The following HOMER2 variants were observed in gnomAD, a reference collection of about 807,000 sequenced individuals.
HOMER2 encodes the protein homer scaffold protein 2.
A neutral mutation model predicts 47.0 loss-of-function variants in HOMER2; 27 were observed. That is an observed-to-expected ratio of 0.57 (90% CI 0.42 to 0.79). The LOEUF (loss-of-function observed/expected upper bound fraction) is 0.79. Among genes scored for constraint, HOMER2 ranks in the 30% least tolerant of loss-of-function variants. The pLI is 0.00. For synonymous variants in HOMER2, 161 were observed against 163.8 expected (o/e 0.98, Z 0.13); for missense variants, 443 against 435.0 (o/e 1.02, Z -0.16).
At chr15:82,980,307 T>G (rs551513525) in intron 1 of HOMER2, among the ~76,000 whole-genome samples, 89 of 152,210 alleles carry the variant, frequency 5.8e-4, no homozygotes, top group African/African-American at 1.9e-3. Context: ...TATTCCTGTC[T>G]CAGTCACCCC....
At chr15:82,966,404 GA>G (rs925138426) in intron 1 of HOMER2, among the ~76,000 whole-genome samples, 8 of 152,132 alleles carry the variant, frequency 5.3e-5, no homozygotes, top group Non-Finnish European at 1.0e-4. Flanking sequence ...AAAAGGGGGG[GA>G]AAGAAAACAG....
At chr15:82,977,049 T>C (rs1416972102) in intron 1 of HOMER2, among the ~76,000 whole-genome samples, 1 of 152,122 alleles carries the variant, frequency 6.6e-6, no homozygotes, top group Non-Finnish European at 1.5e-5. Flanking sequence ...TAGCAATGTT[T>C]GTGGGGTGAA....
chr15:82,903,919 T>C (rs1176550848), intron 1 of HOMER2, among the ~76,000 whole-genome samples: 1 of 152,124 alleles, frequency 6.6e-6, no homozygotes, highest in Non-Finnish European at 1.5e-5. Flanking sequence ...GGCAGATCAG[T>C]TGACGCCAGG....
intron 2 of HOMER2, among the ~76,000 whole-genome samples, chr15:82,877,613 C>T (rs191332093): frequency 2.0e-4 from 30 of 152,270 alleles, no homozygotes; most frequent in African/African-American, 6.7e-4. Context: ...ATTTTATACA[C>T]GATGAAGGAA....
At chr15:82,929,345 C>G (rs1371579198) in intron 1 of HOMER2, among the ~76,000 whole-genome samples, 2 of 152,048 alleles carry the variant, frequency 1.3e-5, no homozygotes, top group Non-Finnish European at 2.9e-5. Context: ...AACGGCTTAG[C>G]AGGTTCTGAG....
chr15:82,962,180 C>T (rs1220385172), intron 1 of HOMER2, among the ~76,000 whole-genome samples: 1 of 150,842 alleles, frequency 6.6e-6, no homozygotes, highest in East Asian at 2.0e-4. Flanking sequence ...ACCATCCTGG[C>T]TAACACGGTG....
At chr15:82,850,017 G>T in intron 8 of HOMER2, 114 bp from the exon 9 acceptor site, 1 of 1,051,620 alleles carries the variant, frequency 9.5e-7, no homozygotes, top group Non-Finnish European at 1.4e-6. Context: ...CTGGGCCAGG[G>T]CTTAAGCTGC....
At chr15:82,912,901 G>A (rs1253175185) in intron 1 of HOMER2, among the ~76,000 whole-genome samples, 1 of 152,124 alleles carries the variant, frequency 6.6e-6, no homozygotes, top group East Asian at 1.9e-4. Context: ...GACTGTTCTG[G>A]GCCCTGAATG....
chr15:82,955,006 G>T (rs1426134151), upstream of HOMER2, among the ~76,000 whole-genome samples: 4 of 151,956 alleles, frequency 2.6e-5, no homozygotes, highest in Non-Finnish European at 5.9e-5. Context: ...TCCATCTCTT[G>T]ACCTCGTGAT....
At chr15:82,948,390 CAAAAAAA>C in intron 1 of HOMER2, among the ~76,000 whole-genome samples, 1 of 62,472 alleles carries the variant, frequency 1.6e-5, no homozygotes, top group East Asian at 5.5e-4. Context: ...GACTCCATCT[CAAAAAAA>C]AAAAAAAAAA....
chr15:82,980,861 G>T (rs966235212), intron 1 of HOMER2, among the ~76,000 whole-genome samples: 1 of 152,226 alleles, frequency 6.6e-6, no homozygotes, highest in South Asian at 2.1e-4. Flanking sequence ...AGTACTCAAG[G>T]GCAGAAACTT....
chr15:82,918,299 C>T (rs1026695633), intron 1 of HOMER2, among the ~76,000 whole-genome samples: 3 of 152,214 alleles, frequency 2.0e-5, no homozygotes, highest in East Asian at 1.9e-4. Context: ...ACTCAGGCCA[C>T]GGTGCTCTGG....
At position 82,966,014 on chromosome 15, in the gene HOMER2, C is replaced by T. The variant is rs76097616; in HGVS notation, n.83-6706G>A. Reference sequence around the variant, plus strand: ...GGATGAGGAGGTTAAGGCAGGAGTACGGCTTCAGCCCAGCAGGTCGAGGCT... The same window carrying T: ...GGATGAGGAGGTTAAGGCAGGAGTATGGCTTCAGCCCAGCAGGTCGAGGCT... On this transcript the variant is annotated intron_variant and non_coding_transcript_variant, in intron 1 of 1. Coordinates refer to the HOMER2 transcript ENST00000500334. 5.3e-4 allele frequency among the ~76,000 whole-genome samples: 80 copies of T among 152,230 alleles called. No homozygotes were observed. The East Asian group carries it at 6.0e-3, about 11-fold the overall frequency.
chr15:82,951,376 A>G (rs2054501835), intron 1 of HOMER2, among the ~76,000 whole-genome samples: 1 of 151,892 alleles, frequency 6.6e-6, no homozygotes, highest in African/African-American at 2.4e-5. Context: ...CATGGCTAAG[A>G]CTCACCAGGC....
At chr15:82,933,623 C>A (rs1423425992) in intron 1 of HOMER2, among the ~76,000 whole-genome samples, 1 of 152,206 alleles carries the variant, frequency 6.6e-6, no homozygotes, top group Non-Finnish European at 1.5e-5. Context: ...CTCCAAATGT[C>A]CTTCCATACA....
exon 2 of HOMER2, chr15:82,838,710 C>T (rs1272687402): frequency 6.6e-6 from 1 of 152,214 alleles, no homozygotes; most frequent in Admixed American, 6.5e-5. Flanking sequence ...GTAAGCTCCC[C>T]AGAACTGTAA....
chr15:82,879,515 A>G (rs942215941), intron 2 of HOMER2, among the ~76,000 whole-genome samples: 1 of 152,206 alleles, frequency 6.6e-6, no homozygotes, highest in Admixed American at 6.5e-5. Flanking sequence ...AAAGAAAGAA[A>G]GAAAATAAAG....
chr15:82,924,896 C>G (rs2053819280), intron 1 of HOMER2, among the ~76,000 whole-genome samples: 1 of 152,210 alleles, frequency 6.6e-6, no homozygotes, highest in Non-Finnish European at 1.5e-5. Context: ...CAACGTGATG[C>G]TCCAGGGTCC....
chr15:82,984,911 G>A (rs1185609755), intron 1 of HOMER2, among the ~76,000 whole-genome samples: 1 of 152,188 alleles, frequency 6.6e-6, no homozygotes, highest in Non-Finnish European at 1.5e-5. Flanking sequence ...CAGTTTAATA[G>A]GGGGAAAGAC....
Sources: allele counts gnomAD v4.1 joint callset (sites outside exome capture counted in the v4.1 genomes callset), GRCh38; gene constraint gnomAD v4.1.1; transcripts MANE v1.5; gene names NCBI Gene and HGNC (gene_info 2026-07-23, HGNC 2026-07-21).